HIRA: variants seen among roughly 807,000 people sequenced by gnomAD.
The protein encoded by HIRA is histone cell cycle regulator, also known as protein HIRA.
In HIRA, 13 loss-of-function variants were observed where a neutral mutation model predicts 126.6. That is an observed-to-expected ratio of 0.10 (90% CI 0.07 to 0.16). The LOEUF (loss-of-function observed/expected upper bound fraction) is 0.16. Ranked by LOEUF, HIRA falls within the 10% of genes least tolerant of loss-of-function variation. The probability of loss-of-function intolerance (pLI) is 1.00; values close to 1 mark genes in which losing one functional copy is unlikely to be tolerated. For synonymous variants in HIRA, 511 were observed against 520.0 expected (o/e 0.98, Z 0.24); for missense variants, 834 against 1,314.4 (o/e 0.63, Z 5.65).
At chr22:19,402,965 T>C (rs1025581324) in intron 5 of HIRA, among the ~76,000 whole-genome samples, 1 of 151,696 alleles carries the variant, frequency 6.6e-6, no homozygotes, top group African/African-American at 2.4e-5. Context: ...CAGCCAGGTA[T>C]GGTGATGTAC....
chr22:19,410,670 G>T, intron 2 of HIRA, 46 bp downstream of exon 2: 1 of 1,408,904 alleles, frequency 7.1e-7, no homozygotes, highest in Non-Finnish European at 1.0e-6. Flanking sequence ...GAAGAGCAAG[G>T]TGGCAGGGCT....
rs143192108 is a variant in HIRA, at chr22:19,417,028, C to T, written c.38-6250G>A. Among the ~76,000 whole-genome samples, 10 of 151,702 alleles carry T rather than the reference C, an allele frequency of 6.6e-5. No homozygotes were observed. The East Asian group carries it at 1.8e-3, about 27-fold the overall frequency. On this transcript the variant is annotated intron_variant, in intron 1 of 24. Coordinates refer to ENST00000263208, the MANE Select transcript of HIRA (RefSeq NM_003325.4). ...CAGCCTGGCCAACATGGTGAAACCC[C>T]ATCTCTTCTAAAACTACAAAAATTA...
intron 24 of HIRA, among the ~76,000 whole-genome samples, chr22:19,342,301 A>G (rs1361615514): frequency 6.6e-6 from 1 of 152,228 alleles, no homozygotes; most frequent in African/African-American, 2.4e-5. Context: ...AATAAAAAAA[A>G]TAGATATTAG....
At chr22:19,338,684 A>G (rs1159474951) in intron 24 of HIRA, among the ~76,000 whole-genome samples, 2 of 152,246 alleles carry the variant, frequency 1.3e-5, no homozygotes, top group African/African-American at 4.8e-5. Flanking sequence ...ATCAGACAAA[A>G]CAGACTTTAA....
intron 15 of HIRA, among the ~76,000 whole-genome samples, chr22:19,369,670 A>G (rs1007565979): frequency 6.6e-6 from 1 of 152,084 alleles, no homozygotes; most frequent in Non-Finnish European, 1.5e-5. Context: ...GCGGTGGCTC[A>G]CACCTGTAAT....
intron 15 of HIRA, 103 bp downstream of exon 15, chr22:19,375,528 C>T (rs1601827718): frequency 2.0e-5 from 25 of 1,263,896 alleles, no homozygotes. Flanking sequence ...AGAGTCTTTT[C>T]CCCAACAGGA....
chr22:19,361,603 A>T (rs933997898), intron 16 of HIRA, 124 bp downstream of exon 16: 2 of 945,696 alleles, frequency 2.1e-6, no homozygotes, highest in Non-Finnish European at 3.3e-6. Flanking sequence ...CAGGGGCTGC[A>T]TGTCTAAGCC....
At chr22:19,421,903 C>T (rs1372184437) in intron 1 of HIRA, among the ~76,000 whole-genome samples, 1 of 152,114 alleles carries the variant, frequency 6.6e-6, no homozygotes, top group Non-Finnish European at 1.5e-5. Flanking sequence ...AACTCCTAAC[C>T]TCAAGTGATC....
chr22:19,401,897 G>A (rs925204573), intron 5 of HIRA, among the ~76,000 whole-genome samples: 1 of 152,160 alleles, frequency 6.6e-6, no homozygotes, highest in Non-Finnish European at 1.5e-5. Context: ...GATCCCTGCG[G>A]AGACTTCATA....
In HIRA at chr22:19,385,504, C is replaced by T. The variant is rs778634608; in HGVS notation, c.1329+17G>A. 3 of 1,607,686 alleles carry T rather than the reference C, an allele frequency of 1.9e-6. No individual in the cohort carries two copies. Among genetic ancestry groups the T allele is most frequent in the Admixed American group, 1.7e-5 (1 of 59,994 alleles). On this transcript the variant is annotated intron_variant, in intron 12 of 24. Coordinates refer to ENST00000263208, the MANE Select transcript of HIRA (RefSeq NM_003325.4). ...GCATATGTCCATGTCTTTAGCGCCA[C>T]CAGGCAGGGCTCTCACCTTCCTGAT...
At chr22:19,410,578 T>C in intron 2 of HIRA, 138 bp downstream of exon 2, 2 of 695,476 alleles carry the variant, frequency 2.9e-6, no homozygotes, top group Non-Finnish European at 5.1e-6. Flanking sequence ...AGATAACACA[T>C]TATAACTGTA....
intron 1 of HIRA, among the ~76,000 whole-genome samples, chr22:19,424,327 A>G (rs932277009): frequency 6.6e-6 from 1 of 152,212 alleles, no homozygotes; most frequent in Non-Finnish European, 1.5e-5. Context: ...AATGGGGAAG[A>G]CCCAAAGTCC....
intron 19 of HIRA, 115 bp downstream of exon 19, chr22:19,356,774 TG>T: frequency 9.7e-7 from 1 of 1,036,006 alleles, no homozygotes; most frequent in Non-Finnish European, 1.4e-6. Flanking sequence ...GGGCCTCTTC[TG>T]GGGCCTGATG....
chr22:19,399,888 C>T (rs971905801), intron 5 of HIRA, among the ~76,000 whole-genome samples: 13 of 152,116 alleles, frequency 8.5e-5, no homozygotes, highest in African/African-American at 2.2e-4. Flanking sequence ...GGAAGTGTTT[C>T]GGGCAGTGGG....
At chr22:19,416,909 T>C (rs1429276123) in intron 1 of HIRA, among the ~76,000 whole-genome samples, 5 of 152,060 alleles carry the variant, frequency 3.3e-5, no homozygotes, top group South Asian at 4.1e-4. Context: ...AAAGAAGATA[T>C]ACAAATGAGG....
At chr22:19,411,506 C>T (rs751273125) in intron 1 of HIRA, among the ~76,000 whole-genome samples, 4 of 152,324 alleles carry the variant, frequency 2.6e-5, no homozygotes, top group South Asian at 2.1e-4. Context: ...AAGGCACTCA[C>T]GCCTGGTGGG....
Position 19,361,757 on chromosome 22 carries a change from A to T in HIRA, c.1950T>A (p.Ser650=). Residue 650 remains serine (S), a synonymous_variant, in exon 16 of 25, where the codon TCT becomes TCA. Transcript: ENST00000263208. ...CAGACAGAGACACAGGCATGAGACG[A>T]GAGTCCTTCCGAGGCCGCCCTTTCT... ...KKKKGRPRKD[S]RLMPVSLSVQ... is the part of the protein sequence containing the mutation. The T allele has an allele frequency of 6.2e-7, 1 of 1,612,798 alleles. No homozygotes were observed. The highest frequency in any genetic ancestry group is 8.5e-7 in the Non-Finnish European group (1 of 1,180,026).
intron 13 of HIRA, among the ~76,000 whole-genome samples, chr22:19,378,959 T>C (rs1329731091): frequency 2.0e-5 from 3 of 152,222 alleles, no homozygotes; most frequent in Admixed American, 1.3e-4. Context: ...ATCAAATTTC[T>C]TGACACTTAA....
At position 19,351,487 on chromosome 22, in the gene HIRA, A is replaced by G. The variant is rs2088757033; in HGVS notation, c.2849-41T>C. 2 of 1,411,066 alleles carry G rather than the reference A, an allele frequency of 1.4e-6. No homozygotes were observed. The highest frequency in any genetic ancestry group is 2.0e-6 in the Non-Finnish European group (2 of 1,003,018). The allele number at this position is 1,411,066 out of a possible 1,614,324, so 87.4% of individuals were successfully genotyped here. On this transcript the variant is annotated intron_variant, in intron 23 of 24. Transcript: ENST00000263208. This position sits in a 1 kb window ranked among gnomAD's most constrained non-coding sequence, Gnocchi z 4.8. ...CAAACAAACAACAACAACAAAAAAC[A>G]AAACAGAAATAGGAACACATTACAA...
Sources: gnomAD v4.1 joint callset for allele counts (sites outside exome capture counted in the v4.1 genomes callset) on GRCh38, gnomAD v4.1.1 for gene constraint, Gnocchi (gnomAD v3.1) non-coding constraint, MANE v1.5 for transcripts, NCBI Gene and HGNC (gene_info 2026-07-23, HGNC 2026-07-21) for gene names.